The following CA8 variants were observed in gnomAD, a reference collection of about 807,000 sequenced individuals.
CA8 encodes carbonic anhydrase 8 (inactive).
In CA8, 22 loss-of-function variants were observed where a neutral mutation model predicts 41.4. The ratio of observed to expected loss-of-function variants is 0.53; its 90% CI spans 0.38 to 0.76. The LOEUF is 0.76. Ranked by LOEUF, CA8 falls within the 30% of genes least tolerant of loss-of-function variation. The pLI is 0.00. For synonymous variants in CA8, 121 were observed against 130.6 expected (o/e 0.93, Z 0.50); for missense variants, 270 against 352.8 (o/e 0.77, Z 1.88).
chr8:60,251,485 A>T (rs544302571), intron 3 of CA8, among the ~76,000 whole-genome samples: 57 of 152,342 alleles, frequency 3.7e-4, no homozygotes, highest in African/African-American at 1.3e-3. Flanking sequence ...TGACCTTGAA[A>T]ACTTTCTCCC....
chr8:60,243,246 G>C (rs2130527700), intron 3 of CA8, among the ~76,000 whole-genome samples: 1 of 152,136 alleles, frequency 6.6e-6, no homozygotes, highest in South Asian at 2.1e-4. Context: ...AACTGTCTCT[G>C]CTTCCTGCCA....
intron 2 of CA8, among the ~76,000 whole-genome samples, chr8:60,270,611 T>C (rs1224890443): frequency 6.6e-6 from 1 of 152,144 alleles, no homozygotes; most frequent in African/African-American, 2.4e-5. Flanking sequence ...AGACGGGGTT[T>C]CACCATGTTG....
At chr8:60,202,225 T>G (rs1407337879) in intron 8 of CA8, among the ~76,000 whole-genome samples, 1 of 151,182 alleles carries the variant, frequency 6.6e-6, no homozygotes, top group Non-Finnish European at 1.5e-5. Context: ...TTTTTTTTTT[T>G]GTATTTTTAG....
At chr8:60,217,464 A>G (rs1034325570) in intron 7 of CA8, among the ~76,000 whole-genome samples, 51 of 152,098 alleles carry the variant, frequency 3.4e-4, no homozygotes, top group African/African-American at 1.2e-3. Flanking sequence ...CCACTTCTCA[A>G]GACATTTCCT....
chr8:60,267,124 T>C (rs980574951), intron 2 of CA8, among the ~76,000 whole-genome samples: 1 of 152,228 alleles, frequency 6.6e-6, no homozygotes, highest in Non-Finnish European at 1.5e-5. Context: ...GGTGCAACAA[T>C]ATTTACTTGT....
In CA8 at chr8:60,186,925, T is replaced by C. The variant is rs1299591151; in HGVS notation, c.*3096A>G. On this transcript the variant is annotated 3_prime_UTR_variant, in exon 9 of 9. Transcript: ENST00000317995. ...ACACTACTTTCATAATAGACAGAAA[T>C]AGGCATATCAACAAGGAAATAGAAG... Among the ~76,000 whole-genome samples the C allele has an allele frequency of 6.6e-6, 1 of 151,844 alleles. No homozygotes were observed. The highest frequency in any genetic ancestry group is 6.6e-5 in the Admixed American group (1 of 15,264).
At chr8:60,278,258 C>A (rs1244850732) in intron 2 of CA8, among the ~76,000 whole-genome samples, 2 of 152,200 alleles carry the variant, frequency 1.3e-5, no homozygotes, top group Non-Finnish European at 2.9e-5. Flanking sequence ...CTCCCACAAC[C>A]CTTTGTAACA....
At chr8:60,252,335 C>T (rs985567868) in intron 3 of CA8, among the ~76,000 whole-genome samples, 4 of 152,126 alleles carry the variant, frequency 2.6e-5, no homozygotes, top group African/African-American at 9.7e-5. Flanking sequence ...GGTGTTGCCT[C>T]GGAAACTCAG....
intron 5 of CA8, among the ~76,000 whole-genome samples, chr8:60,226,182 A>G (rs1438312362): frequency 6.6e-6 from 1 of 152,182 alleles, no homozygotes; most frequent in East Asian, 1.9e-4. Context: ...GCATGCAGGT[A>G]GGAAAGGGTT....
chr8:60,224,523 A>T lies in CA8; in HGVS notation c.625+14T>A. The T allele has an allele frequency of 6.7e-7, 1 of 1,499,940 alleles. No individual in the cohort carries two copies. The highest frequency in any genetic ancestry group is 9.3e-7 in the Non-Finnish European group (1 of 1,077,468). 92.9% of individuals were successfully genotyped at this position (1,499,940 alleles called of 1,614,324 possible). A position where few individuals can be genotyped will look rare whatever the true frequency, so the allele number is the denominator to read the frequency against. On this transcript the variant is annotated intron_variant, in intron 6 of 8. Coordinates refer to ENST00000317995, the MANE Select transcript of CA8 (RefSeq NM_004056.6). ...CAGTTAAAATTCATTTTATGCAATC[A>T]GGTAAATACTCACCTGGTAATAAAG... is the stretch of plus-strand genomic sequence containing the variant.
intron 4 of CA8, among the ~76,000 whole-genome samples, chr8:60,229,253 CCCA>C (rs149501925): frequency 0.016 from 2,413 of 152,218 alleles, 76 homozygotes; most frequent in African/African-American, 0.054. Flanking sequence ...GCCAACATCT[CCCA>C]CCATTTCCTG....
At chr8:60,236,696 A>T (rs1287900556) in intron 3 of CA8, among the ~76,000 whole-genome samples, 11 of 152,164 alleles carry the variant, frequency 7.2e-5, no homozygotes, top group Admixed American at 7.2e-4. Context: ...TTCTACTTAT[A>T]TTTATTTTTA....
At position 60,186,632 on chromosome 8, in the gene CA8, A is replaced by T. The variant is rs552957689; in HGVS notation, c.*3389T>A. On this transcript the variant is annotated 3_prime_UTR_variant, in exon 9 of 9. Transcript: ENST00000317995. ...AGAGAGACTGTCAGACTGGATTTCA[A>T]AAAAAAACAAGATCCAACTATAAGT... Among the ~76,000 whole-genome samples the T allele has an allele frequency of 6.6e-6, 1 of 151,840 alleles. No homozygotes were observed. Among genetic ancestry groups the T allele is most frequent in the Non-Finnish European group, 1.5e-5 (1 of 67,800 alleles).
chr8:60,192,529 T>C (rs1008474528), intron 8 of CA8, among the ~76,000 whole-genome samples: 1 of 152,278 alleles, frequency 6.6e-6, no homozygotes, highest in Admixed American at 6.5e-5. Flanking sequence ...AAGTTTACTT[T>C]TCAGTGTTTT....
At chr8:60,193,461 C>T (rs1205400732) in intron 8 of CA8, among the ~76,000 whole-genome samples, 1 of 152,194 alleles carries the variant, frequency 6.6e-6, no homozygotes, top group Admixed American at 6.6e-5. Context: ...TAGCTTACTC[C>T]ATTTTGGTGT....
In CA8 at chr8:60,190,938, C is replaced by CTATATATATATATATA. The variant is rs35486936; in HGVS notation, c.*36-969_*36-954dup. On this transcript the variant is annotated intron_variant, in intron 8 of 8. Coordinates refer to ENST00000317995, the MANE Select transcript of CA8 (RefSeq NM_004056.6). ...GTGGACACACCTGCACACACACACA[C>CTATATATATATATATA]TATATATATATATATATATACACAC... is the stretch of plus-strand genomic sequence containing the variant. Among the ~76,000 whole-genome samples the CTATATATATATATATA allele has an allele frequency of 1.0e-3, 119 of 117,338 alleles. 1 individual carries two copies. Among genetic ancestry groups the CTATATATATATATATA allele is most frequent in the African/African-American group, 3.9e-3 (113 of 29,252 alleles). 77.0% of individuals were successfully genotyped at this position (117,338 alleles called of 152,430 possible).
chr8:60,249,642 G>A (rs1808376359), intron 3 of CA8, among the ~76,000 whole-genome samples: 1 of 152,066 alleles, frequency 6.6e-6, no homozygotes, highest in African/African-American at 2.4e-5. Flanking sequence ...TTTTTGCTCT[G>A]ATCTAGAAAT....
chr8:60,194,613 G>C, intron 8 of CA8, among the ~76,000 whole-genome samples: 1 of 152,194 alleles, frequency 6.6e-6, no homozygotes, highest in East Asian at 1.9e-4. Flanking sequence ...AGGGGGCTGA[G>C]AGATTAAGTG....
intron 2 of CA8, among the ~76,000 whole-genome samples, chr8:60,276,511 T>A (rs1263003229): frequency 1.3e-5 from 2 of 152,166 alleles, no homozygotes; most frequent in Admixed American, 6.5e-5. Context: ...TACAAAACAC[T>A]GTTTAAGTGA....
Sources: gnomAD v4.1 joint callset for allele counts (sites outside exome capture counted in the v4.1 genomes callset) on GRCh38, gnomAD v4.1.1 for gene constraint, MANE v1.5 for transcripts, NCBI Gene and HGNC (gene_info 2026-07-23, HGNC 2026-07-21) for gene names.